The following BCAR3 variants were observed in gnomAD, a reference collection of about 807,000 sequenced individuals.
The protein encoded by BCAR3 is breast cancer anti-estrogen resistance protein 3.
Under a neutral mutation model 80.1 loss-of-function variants are expected in BCAR3, and 37 were observed. The observed-to-expected ratio is 0.46, with a 90% CI of 0.36 to 0.61. BCAR3 has a LOEUF of 0.61. BCAR3 is among the 20% of genes least tolerant of loss of function. The pLI is 0.00. For synonymous variants in BCAR3, 389 were observed against 418.9 expected, an observed-to-expected ratio of 0.93 and a Z score of 0.87; for missense variants, 978 against 1,068.2, an observed-to-expected ratio of 0.92 and a Z score of 1.18.
At chr1:93,688,550 C>T (rs1022961276) in intron 3 of BCAR3, among the ~76,000 whole-genome samples, 2 of 151,840 alleles carry the variant, frequency 1.3e-5, no homozygotes, top group Non-Finnish European at 2.9e-5. Context: ...TTACAGTAAG[C>T]GTGTGTGTGT....
chr1:93,730,435 C>T (rs1557668783), intron 2 of BCAR3, among the ~76,000 whole-genome samples: 1 of 152,226 alleles, frequency 6.6e-6, no homozygotes, highest in East Asian at 1.9e-4. Context: ...TAGATTGAGT[C>T]TTATTTGCCA....
intron 3 of BCAR3, among the ~76,000 whole-genome samples, chr1:93,703,695 T>G (rs186550579): frequency 2.6e-4 from 39 of 152,354 alleles, no homozygotes; most frequent in African/African-American, 9.4e-4. Context: ...ATTCATTTAT[T>G]TATCCAACAA....
At chr1:93,813,222 TG>T (rs1653905848) in intron 2 of BCAR3, among the ~76,000 whole-genome samples, 2 of 152,120 alleles carry the variant, frequency 1.3e-5, no homozygotes, top group African/African-American at 4.8e-5. Context: ...TCCCTCAAAA[TG>T]TTTAAGCAAA....
At chr1:93,845,786 C>A (rs564606178) in intron 1 of BCAR3, 2 of 152,276 alleles carry the variant, frequency 1.3e-5, no homozygotes, top group South Asian at 4.1e-4. Flanking sequence ...CATTCCTCTT[C>A]TGTAATGCAA....
chr1:93,583,567 T>G (rs1179332777), intron 6 of BCAR3, among the ~76,000 whole-genome samples: 1 of 152,104 alleles, frequency 6.6e-6, no homozygotes, highest in African/African-American at 2.4e-5. Flanking sequence ...TCTTCCAGCC[T>G]TGGAAGCAGA....
chr1:93,693,897 C>T (rs1004568596), intron 3 of BCAR3, among the ~76,000 whole-genome samples: 2 of 152,184 alleles, frequency 1.3e-5, no homozygotes, highest in African/African-American at 2.4e-5. Flanking sequence ...TCTCCACCAC[C>T]AAGGCTCTGC....
At chr1:93,710,465 A>G (rs1196274946) in intron 2 of BCAR3, among the ~76,000 whole-genome samples, 1 of 152,204 alleles carries the variant, frequency 6.6e-6, no homozygotes, top group Non-Finnish European at 1.5e-5. Context: ...ACTTTATCCT[A>G]GCCAGGATAT....
chr1:93,570,656 A>G (rs780268548), intron 9 of BCAR3, among the ~76,000 whole-genome samples: 2 of 152,260 alleles, frequency 1.3e-5, no homozygotes, highest in Non-Finnish European at 2.9e-5. Flanking sequence ...AGTCTGTTTT[A>G]GGTGACCTGA....
Sources: gnomAD v4.1 joint callset for allele counts (sites outside exome capture counted in the v4.1 genomes callset) on GRCh38, gnomAD v4.1.1 for gene constraint, MANE v1.5 for transcripts, NCBI Gene and HGNC (gene_info 2026-07-23, HGNC 2026-07-21) for gene names.